Variants in FSHR observed in about 807,000 individuals in gnomAD.
FSHR encodes follicle-stimulating hormone receptor.
In FSHR, 46 loss-of-function variants were observed where a neutral mutation model predicts 52.1. That is an observed-to-expected ratio of 0.88 (90% CI 0.70 to 1.13). The LOEUF is 1.13. Among genes scored for constraint, FSHR ranks in the 50% most tolerant of loss-of-function variants. The pLI is 0.00. For synonymous variants in FSHR, 399 were observed against 309.6 expected, an observed-to-expected ratio of 1.29 and a Z score of -3.03; for missense variants, 964 against 834.6, an observed-to-expected ratio of 1.16 and a Z score of -1.91.
chr2:49,134,806 A>G lies in FSHR; in HGVS notation c.152+19460T>C, dbSNP rs183772140. Among the ~76,000 whole-genome samples the G allele has an allele frequency of 3.6e-3, 551 of 152,312 alleles. 3 individuals are homozygous for G. The highest frequency in any genetic ancestry group is 0.013 in the African/African-American group (538 of 41,572). On this transcript the variant is annotated intron_variant, in intron 1 of 9. Transcript: ENST00000406846. Reference sequence around the variant, plus strand: ...TGGAAACCATCATTCTCAGTAAACTATCGCAAGAACAAAAAACCAAACACC... The same window carrying G: ...TGGAAACCATCATTCTCAGTAAACTGTCGCAAGAACAAAAAACCAAACACC...
intron 8 of FSHR, among the ~76,000 whole-genome samples, chr2:48,982,235 A>C (rs1573041389): frequency 6.6e-6 from 1 of 152,152 alleles, no homozygotes; most frequent in Non-Finnish European, 1.5e-5. Context: ...ATGATGCTTG[A>C]TGGAAGGGGC....
chr2:48,967,177 C>G (rs1008162682), intron 9 of FSHR, among the ~76,000 whole-genome samples: 1 of 152,178 alleles, frequency 6.6e-6, no homozygotes, highest in African/African-American at 2.4e-5. Flanking sequence ...CTCACTGCAG[C>G]CTCGACCTCC....
Position 49,068,252 on chromosome 2 carries a change from C to A in FSHR, c.191G>T (p.Gly64Val). Reference sequence around the variant, plus strand: ...CAGGTCCCCAAATCCTGAAAATGCACCTTTTTGGATGACTCGAAGCTTGGT... The same window carrying A: ...CAGGTCCCCAAATCCTGAAAATGCAACTTTTTGGATGACTCGAAGCTTGGT... ...VLTKLRVIQK[G>V]AFSGFGDLEK... The change falls in exon 2 of 10, where the codon GGT (glycine) becomes GTT (valine). Residue 64 changes from glycine to valine, a missense_variant. By Grantham distance (109) the Gly-to-Val change is moderately radical. Transcript: ENST00000406846. The A allele has an allele frequency of 6.2e-7, 1 of 1,611,332 alleles. No homozygotes were observed. Among genetic ancestry groups the A allele is most frequent in the Middle Eastern group, 1.7e-4 (1 of 6,050 alleles).
intron 1 of FSHR, among the ~76,000 whole-genome samples, chr2:49,100,549 C>T (rs1241862979): frequency 6.6e-6 from 1 of 152,144 alleles, no homozygotes; most frequent in African/African-American, 2.4e-5. Flanking sequence ...TCTCCCAAAA[C>T]CCTTACCCAA....
chr2:49,069,868 A>C (rs2103622486), intron 1 of FSHR, among the ~76,000 whole-genome samples: 1 of 152,326 alleles, frequency 6.6e-6, no homozygotes, highest in Middle Eastern at 3.4e-3. Context: ...CAGGAATTGT[A>C]ATCAAACACC....
intron 4 of FSHR, among the ~76,000 whole-genome samples, chr2:49,010,567 C>G (rs1667231859): frequency 6.6e-6 from 1 of 151,660 alleles, no homozygotes; most frequent in Non-Finnish European, 1.5e-5. Flanking sequence ...AGGATTCCTT[C>G]TTTTTCTATT....
Position 49,153,859 on chromosome 2 carries a change from A to G in FSHR, c.152+407T>C, listed in dbSNP as rs188515242. Among the ~76,000 whole-genome samples the G allele has an allele frequency of 2.0e-5, 3 of 152,272 alleles. No homozygotes were observed. The East Asian group carries it at 5.8e-4, about 29-fold the overall frequency. ...GCCTTTTAGATTCAGTGTCCTCGGGAGACATACCTTGTGTATTCTGCTTAG... is the reference window on the plus strand; with the variant it reads ...GCCTTTTAGATTCAGTGTCCTCGGGGGACATACCTTGTGTATTCTGCTTAG... On this transcript the variant is annotated intron_variant, in intron 1 of 9. Transcript: ENST00000406846.
chr2:49,141,583 A>G (rs563320549), intron 1 of FSHR, among the ~76,000 whole-genome samples: 31 of 152,304 alleles, frequency 2.0e-4, no homozygotes, highest in African/African-American at 6.7e-4. Context: ...CCCCACCTCC[A>G]ACAATGGGGA....
At chr2:49,127,321 T>G (rs1672038205) in intron 1 of FSHR, among the ~76,000 whole-genome samples, 1 of 135,554 alleles carries the variant, frequency 7.4e-6, no homozygotes, top group Non-Finnish European at 1.6e-5. Flanking sequence ...GAGCAAGACT[T>G]TGTCTAAGAA....
intron 1 of FSHR, among the ~76,000 whole-genome samples, chr2:49,142,177 C>A (rs1672711153): frequency 6.6e-6 from 1 of 152,236 alleles, no homozygotes; most frequent in East Asian, 1.9e-4. Context: ...AAATCTTTGC[C>A]ATCATTCAAC....
chr2:48,987,140 A>G (rs781298330), intron 6 of FSHR, among the ~76,000 whole-genome samples: 13 of 152,068 alleles, frequency 8.5e-5, no homozygotes, highest in Non-Finnish European at 1.5e-4. Flanking sequence ...CAGCAGGCCA[A>G]TATGACTCAT....
chr2:48,980,660 G>A (rs1455297725), intron 8 of FSHR, among the ~76,000 whole-genome samples: 5 of 152,098 alleles, frequency 3.3e-5, no homozygotes, highest in South Asian at 2.1e-4. Flanking sequence ...GGGCCTCACC[G>A]AATAACTTTT....
At chr2:49,009,271 T>G (rs1185585000) in intron 4 of FSHR, among the ~76,000 whole-genome samples, 1 of 150,556 alleles carries the variant, frequency 6.6e-6, no homozygotes, top group Non-Finnish European at 1.5e-5. Flanking sequence ...CAGCACCATT[T>G]ATTAAATAGG....
chr2:49,091,194 T>C (rs576188817), intron 1 of FSHR, among the ~76,000 whole-genome samples: 23 of 152,286 alleles, frequency 1.5e-4, no homozygotes, highest in African/African-American at 4.8e-4. Context: ...CCTAAAATCA[T>C]GGAGATTTTC....
intron 2 of FSHR, among the ~76,000 whole-genome samples, chr2:49,067,422 T>C (rs1344867584): frequency 6.6e-6 from 1 of 152,164 alleles, no homozygotes; most frequent in Non-Finnish European, 1.5e-5. Flanking sequence ...GTTTTCTTTC[T>C]TGCCTTGCTT....
At chr2:49,088,515 G>T (rs34201686) in intron 1 of FSHR, among the ~76,000 whole-genome samples, 35,432 of 152,090 alleles carry the variant, frequency 0.23, 4,252 homozygotes, top group African/African-American at 0.27. Flanking sequence ...CCTTACTTTT[G>T]CTCTGTCAGT....
chr2:49,044,114 TC>T (rs1429795564), intron 2 of FSHR, among the ~76,000 whole-genome samples: 3 of 152,206 alleles, frequency 2.0e-5, no homozygotes, highest in African/African-American at 7.2e-5. Context: ...TCCTATCTGT[TC>T]TTTTAGCTCC....
At chr2:49,091,463 C>T (rs1014257996) in intron 1 of FSHR, among the ~76,000 whole-genome samples, 1 of 152,008 alleles carries the variant, frequency 6.6e-6, no homozygotes, top group African/African-American at 2.4e-5. Context: ...GTCACCATGC[C>T]TGGCTATATT....
intron 1 of FSHR, among the ~76,000 whole-genome samples, chr2:49,111,883 A>C (rs1671436966): frequency 6.6e-6 from 1 of 152,218 alleles, no homozygotes; most frequent in South Asian, 2.1e-4. Context: ...GTCTTTACAA[A>C]GTGATTCCAT....
Sources: allele counts gnomAD v4.1 joint callset (sites outside exome capture counted in the v4.1 genomes callset), GRCh38; gene constraint gnomAD v4.1.1; transcripts MANE v1.5; gene names NCBI Gene and HGNC (gene_info 2026-07-23, HGNC 2026-07-21).